WDR7: variants seen among roughly 807,000 people sequenced by gnomAD.
WDR7 encodes WD repeat domain 7.
WDR7 carries 46 observed loss-of-function variants against 169.4 expected under a neutral mutation model. That is an observed-to-expected ratio of 0.27 (90% CI 0.21 to 0.35). The LOEUF is 0.35. WDR7 is among the 10% of genes least tolerant of loss of function. WDR7 has a pLI of 1.00. For missense variants in WDR7, 1,534 were observed against 1,859.3 expected (o/e 0.83, Z 3.22); for synonymous variants, 612 against 666.8 (o/e 0.92, Z 1.27).
intron 13 of WDR7, among the ~76,000 whole-genome samples, chr18:56,721,271 TG>T (rs2026314549): frequency 6.6e-6 from 1 of 151,336 alleles, no homozygotes; most frequent in Non-Finnish European, 1.5e-5. Flanking sequence ...ACACTTGAAG[TG>T]TCTTTCCTTT....
intron 26 of WDR7, among the ~76,000 whole-genome samples, chr18:56,978,769 G>A (rs959523797): frequency 2.6e-5 from 4 of 152,134 alleles, no homozygotes; most frequent in African/African-American, 4.8e-5. Context: ...TTCCTCAGAC[G>A]TCCTGAGGTC....
At chr18:56,945,348 C>T (rs2047089226) in intron 25 of WDR7, among the ~76,000 whole-genome samples, 1 of 152,160 alleles carries the variant, frequency 6.6e-6, no homozygotes, top group Non-Finnish European at 1.5e-5. Context: ...GTGTCCAACT[C>T]TATAAAAATC....
chr18:56,883,465 G>GT (rs987775614), intron 21 of WDR7, among the ~76,000 whole-genome samples: 2 of 148,068 alleles, frequency 1.4e-5, no homozygotes, highest in African/African-American at 5.0e-5. Flanking sequence ...TCTGTTTACA[G>GT]TTTTTTTAAA....
chr18:56,889,466 C>T (rs988327931), intron 21 of WDR7, among the ~76,000 whole-genome samples: 2 of 152,102 alleles, frequency 1.3e-5, no homozygotes, highest in South Asian at 2.1e-4. Flanking sequence ...TCTCTTAGTC[C>T]TATCAAATAA....
At chr18:56,816,966 A>G (rs1014664889) in intron 20 of WDR7, among the ~76,000 whole-genome samples, 3 of 152,208 alleles carry the variant, frequency 2.0e-5, no homozygotes, top group African/African-American at 7.2e-5. Context: ...TTTAGAAAGA[A>G]GTACGCCCAG....
intron 14 of WDR7, among the ~76,000 whole-genome samples, chr18:56,735,568 A>G (rs2026681235): frequency 6.6e-6 from 1 of 152,032 alleles, no homozygotes. Flanking sequence ...CTGTCATTTG[A>G]TTTTTTTCAG....
At chr18:56,856,490 C>T (rs537736623) in intron 20 of WDR7, among the ~76,000 whole-genome samples, 79 of 151,940 alleles carry the variant, frequency 5.2e-4, no homozygotes, top group African/African-American at 1.7e-3. Context: ...GCTGAGATTG[C>T]GCCACTGCAC....
chr18:56,821,128 A>T (rs565693987), intron 20 of WDR7, among the ~76,000 whole-genome samples: 2 of 152,290 alleles, frequency 1.3e-5, no homozygotes, highest in East Asian at 1.9e-4. Context: ...AGGCAATCAC[A>T]CTTGTCCTTG....
At chr18:56,773,576 T>G (rs548511449) in intron 16 of WDR7, among the ~76,000 whole-genome samples, 4 of 152,134 alleles carry the variant, frequency 2.6e-5, no homozygotes, top group African/African-American at 9.6e-5. Context: ...ATTGGAGATA[T>G]GATATATTAT....
chr18:56,932,200 C>T (rs1303119463), intron 22 of WDR7, among the ~76,000 whole-genome samples: 1 of 152,196 alleles, frequency 6.6e-6, no homozygotes, highest in Non-Finnish European at 1.5e-5. Context: ...GACCTCAGAG[C>T]TGTAGAATTA....
chr18:56,914,081 C>T (rs2046590053), intron 21 of WDR7, among the ~76,000 whole-genome samples: 1 of 152,188 alleles, frequency 6.6e-6, no homozygotes, highest in East Asian at 1.9e-4. Flanking sequence ...CCCGCAGCTA[C>T]CTCTGTGACT....
At chr18:56,791,591 C>T (rs1599046663) in intron 19 of WDR7, among the ~76,000 whole-genome samples, 1 of 152,100 alleles carries the variant, frequency 6.6e-6, no homozygotes, top group African/African-American at 2.4e-5. Context: ...AAATGAGTCT[C>T]TGAATTTTGG....
At chr18:56,985,357 CAT>C (rs1369355118) in intron 26 of WDR7, among the ~76,000 whole-genome samples, 4 of 152,104 alleles carry the variant, frequency 2.6e-5, no homozygotes, top group African/African-American at 9.7e-5. Flanking sequence ...TTAGGCTTGA[CAT>C]GTTGCTATAA....
intron 13 of WDR7, among the ~76,000 whole-genome samples, chr18:56,719,971 GTA>G (rs1233187327): frequency 6.6e-6 from 1 of 152,168 alleles, no homozygotes; most frequent in Non-Finnish European, 1.5e-5. Flanking sequence ...GTGTGTGTGT[GTA>G]TACATGCATG....
At position 56,900,082 on chromosome 18, in the gene WDR7, GTATATA is replaced by G. The variant is rs1191116351; in HGVS notation, c.3526+19940_3526+19945del. ...TATATATATGTGTGTGTGTGTGTGT[GTATATA>G]TATATATATATATATATATATAAAA... On this transcript the variant is annotated intron_variant, in intron 21 of 27. Transcript: ENST00000254442. 2.3e-3 allele frequency among the ~76,000 whole-genome samples: 75 copies of G among 32,064 alleles called. 1 individual carries two copies. The highest frequency in any genetic ancestry group is 8.8e-3 in the Admixed American group (24 of 2,714). The allele number at this position is 32,064 out of a possible 152,430, so 21.0% of individuals were successfully genotyped here. A position where few individuals can be genotyped will look rare whatever the true frequency, so the allele number is the denominator to read the frequency against.
chr18:56,909,903 G>C (rs1333626524), intron 21 of WDR7, among the ~76,000 whole-genome samples: 2 of 152,062 alleles, frequency 1.3e-5, no homozygotes, highest in Non-Finnish European at 2.9e-5. Context: ...TAGCCAATAA[G>C]GTATGAGGCA....
chr18:56,764,053 TTTGA>T (rs1033921486), intron 16 of WDR7, among the ~76,000 whole-genome samples: 80 of 150,302 alleles, frequency 5.3e-4, no homozygotes, highest in African/African-American at 1.9e-3. Context: ...TGGTTTTTGA[TTTGA>T]TTATTATTTA....
chr18:56,656,195 T>A (rs563504286), intron 1 of WDR7, among the ~76,000 whole-genome samples: 10 of 152,136 alleles, frequency 6.6e-5, no homozygotes, highest in Non-Finnish European at 1.5e-4. Flanking sequence ...CTGGAGTGGT[T>A]GTACCATTTT....
intron 26 of WDR7, chr18:57,009,855 G>A: frequency 1.0e-6 from 1 of 985,422 alleles, no homozygotes; most frequent in Non-Finnish European, 1.2e-6. Context: ...ACCAGGCAAA[G>A]GAGAGGTGAC....
Sources: allele counts gnomAD v4.1 joint callset (sites outside exome capture counted in the v4.1 genomes callset), GRCh38; gene constraint gnomAD v4.1.1; transcripts MANE v1.5; gene names NCBI Gene and HGNC (gene_info 2026-07-23, HGNC 2026-07-21).